Variants in ZNF469 observed in about 807,000 individuals in gnomAD.
The protein encoded by ZNF469 is zinc finger protein 469.
A neutral mutation model predicts 1.0 loss-of-function variants in ZNF469; 1 was observed. The observed-to-expected ratio is 1.00, with a 90% CI of 0.35 to 4.73. The LOEUF (loss-of-function observed/expected upper bound fraction) is 4.73, where lower values mean the gene tolerates loss of function less well. Among genes scored for constraint, ZNF469 ranks in the 30% most tolerant of loss-of-function variants. ZNF469 has a pLI of 0.16. For synonymous variants in ZNF469, 2,703 were observed against 2,363.4 expected (o/e 1.14, Z -4.17); for missense variants, 6,100 against 5,356.3 (o/e 1.14, Z -4.33).
the ZNF469 span, among the ~76,000 whole-genome samples, chr16:88,353,846 C>A: frequency 6.6e-6 from 1 of 152,162 alleles, no homozygotes; most frequent in South Asian, 2.1e-4. Context: ...CTGGAAGGAC[C>A]AGGAAGGAAG....
At position 88,432,594 on chromosome 16, in the gene ZNF469, C is replaced by T. The variant is rs1288968841; in HGVS notation, c.5124C>T (p.Cys1708=). ...QKAGASKTGL[C]QAEGDSRPPQ... ...CCGGAGCCTCCAAGACTGGACTTTGCCAGGCAGAAGGAGACAGCAGGCCCC... is the reference window on the plus strand; with the variant it reads ...CCGGAGCCTCCAAGACTGGACTTTGTCAGGCAGAAGGAGACAGCAGGCCCC... The change falls in exon 3 of 3, where the codon TGC becomes TGT. Residue 1708 remains cysteine (C), a synonymous_variant. Coordinates refer to ENST00000565624, the MANE Select transcript of ZNF469 (RefSeq NM_001367624.2). 1.3e-6 allele frequency: 2 copies of T among 1,550,274 alleles called. No individual in the cohort carries two copies. Among genetic ancestry groups the T allele is most frequent in the East Asian group, 2.4e-5 (1 of 40,936 alleles).
chr16:88,363,940 T>C, the ZNF469 span, among the ~76,000 whole-genome samples: 1 of 152,222 alleles, frequency 6.6e-6, no homozygotes, highest in Non-Finnish European at 1.5e-5. Context: ...GGTTTGCATC[T>C]CACTCTCTAA....
upstream of ZNF469, among the ~76,000 whole-genome samples, chr16:88,379,377 C>T (rs141768826): frequency 7.5e-4 from 114 of 152,266 alleles, no homozygotes; most frequent in African/African-American, 2.7e-3. Context: ...ACACAGGGGA[C>T]CTTCCCAGCC....
At chr16:88,370,445 G>A in the ZNF469 span, among the ~76,000 whole-genome samples, 14 of 152,138 alleles carry the variant, frequency 9.2e-5, no homozygotes, top group African/African-American at 1.9e-4. Flanking sequence ...TAGCATGTGC[G>A]TGCTCACTGT....
At chr16:88,340,461 G>A in the ZNF469 span, among the ~76,000 whole-genome samples, 25 of 152,204 alleles carry the variant, frequency 1.6e-4, no homozygotes, top group Non-Finnish European at 3.2e-4. Context: ...TAAAGGGCCA[G>A]GTATAATGAA....
At chr16:88,307,374 G>T in the ZNF469 span, among the ~76,000 whole-genome samples, 1 of 152,168 alleles carries the variant, frequency 6.6e-6, no homozygotes, top group Non-Finnish European at 1.5e-5. Flanking sequence ...AGCATTGCTG[G>T]TCGTACAGTC....
the ZNF469 span, among the ~76,000 whole-genome samples, chr16:88,337,390 T>C: frequency 6.6e-6 from 1 of 152,228 alleles, no homozygotes; most frequent in African/African-American, 2.4e-5. Flanking sequence ...TCCGCCATGA[T>C]AGTGAGGCCT....
chr16:88,224,033 A>G, the ZNF469 span, among the ~76,000 whole-genome samples: 4 of 152,316 alleles, frequency 2.6e-5, no homozygotes, highest in African/African-American at 9.6e-5. Flanking sequence ...CTTTCAAATG[A>G]TAAGAGCGAT....
chr16:88,434,173 G>A lies in ZNF469; in HGVS notation c.6703G>A (p.Ala2235Thr). 1 of 1,550,344 alleles carries A rather than the reference G, an allele frequency of 6.5e-7. No homozygotes were observed. The highest frequency in any genetic ancestry group is 8.7e-7 in the Non-Finnish European group (1 of 1,146,966). Residue 2235 changes from alanine to threonine, a missense_variant, in exon 3 of 3, where the codon GCT becomes ACT. Coordinates refer to ENST00000565624, the MANE Select transcript of ZNF469 (RefSeq NM_001367624.2). ...CTCCTGGCCTCCTGGCTCCGTCAGTGCTGTAACCTGCACTCACAGTGGGGA... is the reference window on the plus strand; with the variant it reads ...CTCCTGGCCTCCTGGCTCCGTCAGTACTGTAACCTGCACTCACAGTGGGGA... Reference protein sequence around the residue: ...PSSWPPGSVSAVTCTHSGDTP... With the variant: ...PSSWPPGSVSTVTCTHSGDTP...
chr16:88,286,595 G>T, the ZNF469 span, among the ~76,000 whole-genome samples: 1 of 152,282 alleles, frequency 6.6e-6, no homozygotes, highest in East Asian at 1.9e-4. Context: ...GTCAGTGCAG[G>T]TGGGGGAGGG....
the ZNF469 span, among the ~76,000 whole-genome samples, chr16:88,242,967 T>A: frequency 2.3e-3 from 349 of 152,302 alleles, 2 homozygotes; most frequent in African/African-American, 8.2e-3. Context: ...AGCCTTTGAC[T>A]CAGCTCACCG....
At chr16:88,417,995 A>G (rs1905350060) in intron 1 of ZNF469, among the ~76,000 whole-genome samples, 1 of 151,946 alleles carries the variant, frequency 6.6e-6, no homozygotes, top group Non-Finnish European at 1.5e-5. Context: ...GCCTGTCCCC[A>G]CCCTGCAGCC....
chr16:88,169,945 C>T, the ZNF469 span, among the ~76,000 whole-genome samples: 33 of 152,290 alleles, frequency 2.2e-4, no homozygotes, highest in Non-Finnish European at 3.7e-4. The surrounding 1 kb of genome is among the most constrained non-coding windows in gnomAD (Gnocchi z 6.1). Flanking sequence ...TCCCTAGTGA[C>T]TAGTGATGTT....
intron 1 of ZNF469, among the ~76,000 whole-genome samples, chr16:88,402,084 TGGA>T (rs1904898197): frequency 1.5e-5 from 1 of 64,628 alleles, no homozygotes. Context: ...AGATGGTAGA[TGGA>T]TGGGTGGGTG....
At chr16:88,357,617 G>C in the ZNF469 span, among the ~76,000 whole-genome samples, 1 of 152,196 alleles carries the variant, frequency 6.6e-6, no homozygotes, top group African/African-American at 2.4e-5. Flanking sequence ...GGCTGAGACA[G>C]AGGGGAAGAG....
In ZNF469 at chr16:88,439,498, C is replaced by A; in HGVS notation, c.*166C>A. The A allele has an allele frequency of 1.3e-6, 1 of 767,886 alleles. No homozygotes were observed. 47.6% of individuals were successfully genotyped at this position (767,886 alleles called of 1,614,324 possible). A position where few individuals can be genotyped will look rare whatever the true frequency, so the allele number is the denominator to read the frequency against. On this transcript the variant is annotated 3_prime_UTR_variant, in exon 3 of 3. Transcript: ENST00000565624. The stretch of plus-strand genomic sequence containing the variant: ...TGAGGTGGTGATGCTTTGAACAGGG[C>A]CCAGGTGGGCAGCATTCCCTTTCTT...
At chr16:88,384,705 G>C (rs2092533471) in intron 1 of ZNF469, among the ~76,000 whole-genome samples, 1 of 152,232 alleles carries the variant, frequency 6.6e-6, no homozygotes, top group South Asian at 2.1e-4. Flanking sequence ...GGGAGGCACA[G>C]GTGAAGGGTG....
the ZNF469 span, among the ~76,000 whole-genome samples, chr16:88,237,852 G>A: frequency 1.3e-5 from 2 of 151,360 alleles, no homozygotes; most frequent in Admixed American, 6.6e-5. Context: ...GCCCAGCCCC[G>A]GCAGCTGCTG....
the ZNF469 span, among the ~76,000 whole-genome samples, chr16:88,129,311 C>T: frequency 8.5e-5 from 13 of 152,218 alleles, no homozygotes; most frequent in South Asian, 1.2e-3. Context: ...GGCAGCCTCT[C>T]GGCGGGGTCT....
Sources: gnomAD v4.1 joint callset for allele counts (sites outside exome capture counted in the v4.1 genomes callset) on GRCh38, gnomAD v4.1.1 for gene constraint, Gnocchi (gnomAD v3.1) non-coding constraint, MANE v1.5 for transcripts, NCBI Gene and HGNC (gene_info 2026-07-23, HGNC 2026-07-21) for gene names.